The following CHL1 variants were observed in gnomAD, a reference collection of about 807,000 sequenced individuals.
CHL1 encodes cell adhesion molecule L1 like.
A neutral mutation model predicts 141.9 loss-of-function variants in CHL1; 96 were observed. That is an observed-to-expected ratio of 0.68 (90% CI 0.57 to 0.80). CHL1 has a LOEUF of 0.80. CHL1 is among the 30% of genes least tolerant of loss of function. The pLI is 0.00. For synonymous variants in CHL1, 613 were observed against 502.2 expected (o/e 1.22, Z -2.95); for missense variants, 1,820 against 1,457.2 (o/e 1.25, Z -4.05).
chr3:300,205 A>C (rs1038931339), intron 2 of CHL1, among the ~76,000 whole-genome samples: 1 of 152,350 alleles, frequency 6.6e-6, no homozygotes, highest in East Asian at 1.9e-4. Flanking sequence ...AGGGGACCCA[A>C]GATATCAGTT....
chr3:202,370 G>C (rs959413617), intron 1 of CHL1, among the ~76,000 whole-genome samples: 1 of 152,186 alleles, frequency 6.6e-6, no homozygotes, highest in South Asian at 2.1e-4. Flanking sequence ...ATCAATGGTG[G>C]TGTCAAATGG....
chr3:198,056 A>C, intron 1 of CHL1: 4 of 282,906 alleles, frequency 1.4e-5, no homozygotes, highest in African/African-American at 2.2e-5. Context: ...CCTGCGAAAA[A>C]CCACGGGCCG....
intron 1 of CHL1, among the ~76,000 whole-genome samples, chr3:238,860 G>A (rs758773295): frequency 6.6e-6 from 1 of 152,062 alleles, no homozygotes; most frequent in East Asian, 1.9e-4. Flanking sequence ...TTGAACCCAG[G>A]AAGCAGAGGT....
At chr3:333,881 A>T (rs1284883583) in intron 5 of CHL1, among the ~76,000 whole-genome samples, 1 of 152,132 alleles carries the variant, frequency 6.6e-6, no homozygotes, top group Admixed American at 6.5e-5. Context: ...AGATTTCTCC[A>T]CTTAGCATTC....
At chr3:356,952 T>C (rs1303792165) in intron 11 of CHL1, among the ~76,000 whole-genome samples, 1 of 152,166 alleles carries the variant, frequency 6.6e-6, no homozygotes, top group African/African-American at 2.4e-5. Context: ...GGCCTTTGAA[T>C]GGAGAATGGA....
intron 21 of CHL1, 55 bp downstream of exon 21, chr3:390,871 A>G: frequency 6.7e-7 from 1 of 1,499,158 alleles, no homozygotes; most frequent in Non-Finnish European, 9.3e-7. Flanking sequence ...TTTCCTGAGA[A>G]TAAAGAAGAA....
chr3:374,992 G>C (rs909732472), intron 15 of CHL1, among the ~76,000 whole-genome samples: 1 of 152,070 alleles, frequency 6.6e-6, no homozygotes, highest in African/African-American at 2.4e-5. Flanking sequence ...GTGTAGGGAT[G>C]CAGTAAGTGC....
intron 27 of CHL1, among the ~76,000 whole-genome samples, chr3:402,842 A>T (rs1709251597): frequency 6.6e-6 from 1 of 152,220 alleles, no homozygotes; most frequent in Non-Finnish European, 1.5e-5. Context: ...AGAATTTTGG[A>T]ACTTCACGAA....
chr3:296,444 T>C (rs1698193473), intron 2 of CHL1, among the ~76,000 whole-genome samples: 1 of 150,158 alleles, frequency 6.7e-6, no homozygotes, highest in Non-Finnish European at 1.5e-5. Flanking sequence ...CTTTTTTTTC[T>C]TCCCTTTGTA....
chr3:389,287 A>G lies in CHL1; in HGVS notation c.2283A>G (p.Leu761=), dbSNP rs1485519555. 1 of 1,613,400 alleles carries G rather than the reference A, an allele frequency of 6.2e-7. No individual in the cohort carries two copies. Among genetic ancestry groups the G allele is most frequent in the African/African-American group, 1.3e-5 (1 of 74,936 alleles). Residue 761 remains leucine (L), a synonymous_variant, in exon 20 of 28, where the codon CTA becomes CTG. Coordinates refer to ENST00000256509, the MANE Select transcript of CHL1 (RefSeq NM_006614.4). ...LKSMEQNGPG[L]EYRVTWKPQG... ...CCATGGAGCAGAATGGACCAGGCCTAGAGTACAGAGTGACCTGGAAGCCAC... is the reference window on the plus strand; with the variant it reads ...CCATGGAGCAGAATGGACCAGGCCTGGAGTACAGAGTGACCTGGAAGCCAC...
At chr3:270,518 G>C (rs1559362455) in intron 2 of CHL1, among the ~76,000 whole-genome samples, 1 of 152,114 alleles carries the variant, frequency 6.6e-6, no homozygotes, top group African/African-American at 2.4e-5. Flanking sequence ...CAGGGGATCC[G>C]GGTGCAAAAG....
intron 2 of CHL1, among the ~76,000 whole-genome samples, chr3:258,518 T>C (rs986987732): frequency 2.6e-5 from 4 of 152,244 alleles, no homozygotes; most frequent in African/African-American, 4.8e-5. Flanking sequence ...GAAATTAAAA[T>C]CGAAACCCTG....
chr3:290,944 A>T (rs1053487574), intron 2 of CHL1, among the ~76,000 whole-genome samples: 7 of 151,850 alleles, frequency 4.6e-5, no homozygotes, highest in African/African-American at 1.4e-4. Flanking sequence ...TCAAAAAAAA[A>T]AAAAAGAAAG....
At chr3:322,783 G>C (rs1481219244) in intron 3 of CHL1, among the ~76,000 whole-genome samples, 1 of 150,318 alleles carries the variant, frequency 6.7e-6, no homozygotes, top group African/African-American at 2.4e-5. Flanking sequence ...GGTTGAGGCT[G>C]CAGTGAGCCA....
chr3:308,279 T>C (rs1699423433), intron 2 of CHL1, among the ~76,000 whole-genome samples: 1 of 152,238 alleles, frequency 6.6e-6, no homozygotes, highest in African/African-American at 2.4e-5. Context: ...TTATTATGTG[T>C]ATTTCCTATA....
chr3:335,587 A>G (rs746189882), intron 5 of CHL1, among the ~76,000 whole-genome samples: 2 of 152,210 alleles, frequency 1.3e-5, no homozygotes, highest in Non-Finnish European at 2.9e-5. Context: ...CGGCCCTGGA[A>G]AGCTCACCAG....
Position 343,134 on chromosome 3 carries a change from G to C in CHL1, c.727+103G>C, listed in dbSNP as rs1008578151. 1.6e-5 allele frequency: 14 copies of C among 848,914 alleles called. No homozygotes were observed. The East Asian group carries it at 3.2e-4, about 20-fold the overall frequency. The allele number at this position is 848,914 out of a possible 1,614,324, so 52.6% of individuals were successfully genotyped here. A position where few individuals can be genotyped will look rare whatever the true frequency, so the allele number is the denominator to read the frequency against. ...ATCCTCTTAAGTTTATTACAATACT[G>C]TTATTATGAAAAACATCTGAACTTA... On this transcript the variant is annotated intron_variant, in intron 8 of 27. Coordinates refer to ENST00000256509, the MANE Select transcript of CHL1 (RefSeq NM_006614.4).
chr3:328,149 T>A lies in CHL1; in HGVS notation c.198-18T>A, dbSNP rs1236857723. On this transcript the variant is annotated intron_variant, in intron 4 of 27. Coordinates refer to ENST00000256509, the MANE Select transcript of CHL1 (RefSeq NM_006614.4). ...GTCATTATTTTTCAGGATTATTAAG[T>A]TCAGTTTTATGTTTTAGATTTTCGT... 2 of 1,585,816 alleles carry A rather than the reference T, an allele frequency of 1.3e-6. No homozygotes were observed.
intron 2 of CHL1, among the ~76,000 whole-genome samples, chr3:296,981 G>A (rs531348095): frequency 6.6e-5 from 10 of 152,246 alleles, no homozygotes; most frequent in African/African-American, 2.2e-4. Flanking sequence ...GACATCCTGA[G>A]TTTGTATGTG....
Sources: gnomAD v4.1 joint callset for allele counts (sites outside exome capture counted in the v4.1 genomes callset) on GRCh38, gnomAD v4.1.1 for gene constraint, MANE v1.5 for transcripts, NCBI Gene and HGNC (gene_info 2026-07-23, HGNC 2026-07-21) for gene names.